Variants in MGMT observed in about 807,000 individuals in gnomAD.
The protein encoded by MGMT is O-6-methylguanine-DNA methyltransferase.
Under a neutral mutation model 15.9 loss-of-function variants are expected in MGMT, and 14 were observed. That is an observed-to-expected ratio of 0.88 (90% CI 0.58 to 1.37). The LOEUF (loss-of-function observed/expected upper bound fraction) is 1.37, where lower values mean the gene tolerates loss of function less well. MGMT is among the 40% of genes most tolerant of loss of function. The pLI is 0.00. For missense variants in MGMT, 282 were observed against 268.1 expected, an observed-to-expected ratio of 1.05 and a Z score of -0.36; for synonymous variants, 130 against 118.2, an observed-to-expected ratio of 1.10 and a Z score of -0.65.
intron 2 of MGMT, chr10:129,563,749 C>T (rs1846307050): frequency 6.6e-6 from 1 of 152,030 alleles, no homozygotes; most frequent in African/African-American, 2.4e-5. Flanking sequence ...TTAAAATTAC[C>T]CAGAATGTGA....
intron 1 of MGMT, among the ~76,000 whole-genome samples, chr10:129,521,340 T>G (rs935775434): frequency 7.2e-5 from 11 of 152,210 alleles, no homozygotes; most frequent in Middle Eastern, 3.4e-3. Flanking sequence ...AAGCTCTGGA[T>G]GCAGTGAGCG....
chr10:129,630,041 C>T (rs537439661), intron 2 of MGMT, among the ~76,000 whole-genome samples: 4 of 152,356 alleles, frequency 2.6e-5, no homozygotes, highest in African/African-American at 7.2e-5. Flanking sequence ...CAGGTGGAAG[C>T]GGTGAGAGGG....
chr10:129,725,596 C>T (rs1248693615), intron 3 of MGMT, among the ~76,000 whole-genome samples: 1 of 152,234 alleles, frequency 6.6e-6, no homozygotes, highest in African/African-American at 2.4e-5. Context: ...CCTATTGCCC[C>T]AGCACGGCCA....
At chr10:129,521,821 A>G (rs1437916906) in intron 1 of MGMT, among the ~76,000 whole-genome samples, 1 of 152,228 alleles carries the variant, frequency 6.6e-6, no homozygotes, top group African/African-American at 2.4e-5. Context: ...AGGCCTGTGC[A>G]GCCTCCCCGG....
At chr10:129,540,234 T>C (rs139685622) in intron 2 of MGMT, among the ~76,000 whole-genome samples, 27 of 152,384 alleles carry the variant, frequency 1.8e-4, no homozygotes, top group African/African-American at 6.5e-4. Context: ...GTTGATCTTA[T>C]ATTCTGGGAT....
At chr10:129,580,462 A>C (rs921798075) in intron 2 of MGMT, among the ~76,000 whole-genome samples, 20 of 152,138 alleles carry the variant, frequency 1.3e-4, no homozygotes, top group Non-Finnish European at 2.6e-4. Context: ...AAACACGAGG[A>C]GGCTGGCTCC....
intron 3 of MGMT, among the ~76,000 whole-genome samples, chr10:129,721,290 G>T (rs1848368271): frequency 6.6e-6 from 1 of 152,368 alleles, no homozygotes; most frequent in Admixed American, 6.5e-5. Flanking sequence ...GCTCCAGCTG[G>T]CTGGAATTCA....
intron 1 of MGMT, among the ~76,000 whole-genome samples, chr10:129,524,358 C>T (rs1392900072): frequency 8.5e-5 from 13 of 152,142 alleles, no homozygotes; most frequent in Admixed American, 1.3e-4. Context: ...AGCTGCAGGA[C>T]GCACAGTGTT....
intron 2 of MGMT, among the ~76,000 whole-genome samples, chr10:129,686,724 A>G (rs1455407403): frequency 6.6e-6 from 1 of 152,156 alleles, no homozygotes; most frequent in Admixed American, 6.5e-5. Flanking sequence ...CCTGGACGGT[A>G]TTTCCTAAAT....
chr10:129,764,062 C>G (rs1175127371), intron 4 of MGMT, among the ~76,000 whole-genome samples: 1 of 152,244 alleles, frequency 6.6e-6, no homozygotes, highest in African/African-American at 2.4e-5. Context: ...CTGCTGGCAC[C>G]GGCTGTCACC....
At chr10:129,671,214 C>A (rs1847718774) in intron 2 of MGMT, among the ~76,000 whole-genome samples, 1 of 152,150 alleles carries the variant, frequency 6.6e-6, no homozygotes, top group South Asian at 2.1e-4. Context: ...TGATTCCTTC[C>A]AATTATTGTA....
chr10:129,688,645 C>G (rs1847936802), intron 2 of MGMT, among the ~76,000 whole-genome samples: 1 of 152,216 alleles, frequency 6.6e-6, no homozygotes, highest in Non-Finnish European at 1.5e-5. Context: ...TGTAGGTCGC[C>G]TGTTCCCTCT....
intron 2 of MGMT, among the ~76,000 whole-genome samples, chr10:129,682,733 T>C (rs1192716579): frequency 6.6e-6 from 1 of 152,224 alleles, no homozygotes; most frequent in Non-Finnish European, 1.5e-5. Context: ...TGGTAACGCA[T>C]GATTATGTAG....
intron 1 of MGMT, among the ~76,000 whole-genome samples, chr10:129,483,964 A>G (rs1195220462): frequency 2.0e-5 from 3 of 152,076 alleles, no homozygotes; most frequent in African/African-American, 7.2e-5. Flanking sequence ...TTTCACATAT[A>G]CCTTATCCAC....
rs577962783 is a variant in MGMT, at chr10:129,727,471, G to A, written c.274+19428G>A. On this transcript the variant is annotated intron_variant, in intron 3 of 4. Coordinates refer to ENST00000651593, the MANE Select transcript of MGMT (RefSeq NM_002412.5). The stretch of plus-strand genomic sequence containing the variant: ...TGAGCCCGACCCTTCTGAATTCAAG[G>A]CCATGAAAGAAAGGTCATTTGTGTT... Among the ~76,000 whole-genome samples the A allele has an allele frequency of 3.9e-5, 6 of 152,320 alleles. No individual in the cohort carries two copies. The East Asian group carries it at 9.7e-4, about 25-fold the overall frequency.
intron 2 of MGMT, among the ~76,000 whole-genome samples, chr10:129,567,848 A>T (rs1846373994): frequency 6.6e-6 from 1 of 152,194 alleles, no homozygotes; most frequent in South Asian, 2.1e-4. Context: ...AAAATGATAG[A>T]TCACCTAATT....
chr10:129,559,686 T>C (rs1432257656), intron 2 of MGMT, among the ~76,000 whole-genome samples: 2 of 152,196 alleles, frequency 1.3e-5, no homozygotes, highest in African/African-American at 2.4e-5. Context: ...TATATCATCT[T>C]AGTCATCAGG....
chr10:129,612,801 G>A (rs1459529611), intron 2 of MGMT, among the ~76,000 whole-genome samples: 3 of 152,180 alleles, frequency 2.0e-5, no homozygotes, highest in African/African-American at 7.2e-5. Context: ...CGGCATCTCT[G>A]TAAAATATTT....
chr10:129,609,213 C>T (rs1846929757), intron 2 of MGMT, among the ~76,000 whole-genome samples: 2 of 152,188 alleles, frequency 1.3e-5, no homozygotes, highest in African/African-American at 4.8e-5. Flanking sequence ...TCTCACCACA[C>T]CTTTCCCTCC....
Sources: allele counts gnomAD v4.1 joint callset (sites outside exome capture counted in the v4.1 genomes callset), GRCh38; gene constraint gnomAD v4.1.1; transcripts MANE v1.5; gene names NCBI Gene and HGNC (gene_info 2026-07-23, HGNC 2026-07-21).